The following MARCHF5 variants were observed in gnomAD, a reference collection of about 807,000 sequenced individuals.
The protein encoded by MARCHF5 is membrane associated ring-CH-type finger 5, also known as E3 ubiquitin-protein ligase MARCHF5.
In MARCHF5, 5 loss-of-function variants were observed where a neutral mutation model predicts 36.5. The observed-to-expected ratio is 0.14, with a 90% CI of 0.07 to 0.29. MARCHF5 has a LOEUF of 0.29. MARCHF5 is among the 10% of genes least tolerant of loss of function. The pLI is 1.00. For missense variants in MARCHF5, 179 were observed against 336.3 expected (o/e 0.53, Z 3.66); for synonymous variants, 103 against 109.9 (o/e 0.94, Z 0.39).
intron 2 of MARCHF5, among the ~76,000 whole-genome samples, chr10:92,336,277 T>C (rs1843501014): frequency 6.6e-6 from 1 of 152,212 alleles, no homozygotes; most frequent in Admixed American, 6.5e-5. Flanking sequence ...CCTCAGGTGA[T>C]CCGCCCACCT....
intron 1 of MARCHF5, among the ~76,000 whole-genome samples, chr10:92,296,120 C>G (rs767464058): frequency 3.9e-5 from 6 of 152,106 alleles, no homozygotes; most frequent in Admixed American, 1.3e-4. Flanking sequence ...GGTGATCCAC[C>G]TACCTCTGCT....
intron 2 of MARCHF5, among the ~76,000 whole-genome samples, chr10:92,315,383 A>G (rs377367844): frequency 6.6e-6 from 1 of 152,204 alleles, no homozygotes; most frequent in African/African-American, 2.4e-5. Context: ...GTCTGAGCAC[A>G]TTTGTCATTA....
At chr10:92,302,358 G>A (rs1163609075) in intron 1 of MARCHF5, among the ~76,000 whole-genome samples, 1 of 152,080 alleles carries the variant, frequency 6.6e-6, no homozygotes, top group Admixed American at 6.5e-5. Context: ...CTCCCTAATA[G>A]TGTGCTTTCT....
chr10:92,299,585 A>G (rs1438818817), intron 1 of MARCHF5, among the ~76,000 whole-genome samples: 2 of 152,186 alleles, frequency 1.3e-5, no homozygotes, highest in South Asian at 2.1e-4. Flanking sequence ...CTGTGTTTCA[A>G]TAGAACCTTG....
intron 2 of MARCHF5, among the ~76,000 whole-genome samples, chr10:92,334,149 C>T (rs1843474417): frequency 6.6e-6 from 1 of 152,194 alleles, no homozygotes; most frequent in African/African-American, 2.4e-5. Context: ...GACATTGCGC[C>T]AGTGCACTCC....
chr10:92,301,226 A>G (rs1843008009), intron 1 of MARCHF5, among the ~76,000 whole-genome samples: 1 of 152,138 alleles, frequency 6.6e-6, no homozygotes, highest in South Asian at 2.1e-4. Context: ...CACATAGATG[A>G]CAATATTTAT....
At chr10:92,337,778 A>G (rs1000314207) in intron 2 of MARCHF5, among the ~76,000 whole-genome samples, 1 of 152,062 alleles carries the variant, frequency 6.6e-6, no homozygotes, top group Non-Finnish European at 1.5e-5. Flanking sequence ...CATCTAGTGC[A>G]TAAGTGAGGG....
chr10:92,310,656 T>C (rs920572501), intron 1 of MARCHF5, among the ~76,000 whole-genome samples: 1 of 152,292 alleles, frequency 6.6e-6, no homozygotes, highest in East Asian at 1.9e-4. Flanking sequence ...ATGGGTTTTT[T>C]TTTCCTCAGC....
At chr10:92,318,359 G>A (rs1476295822) in intron 2 of MARCHF5, among the ~76,000 whole-genome samples, 2 of 151,652 alleles carry the variant, frequency 1.3e-5, no homozygotes, top group Non-Finnish European at 2.9e-5. Context: ...CCGAGAGGCG[G>A]AGGTTTCAGT....
At chr10:92,296,322 G>C (rs1487398150) in intron 1 of MARCHF5, among the ~76,000 whole-genome samples, 1 of 152,174 alleles carries the variant, frequency 6.6e-6, no homozygotes, top group African/African-American at 2.4e-5. Context: ...GAATGTTTCA[G>C]TGTCACAAAT....
chr10:92,325,367 G>A (rs1475602165), intron 2 of MARCHF5, among the ~76,000 whole-genome samples: 2 of 152,028 alleles, frequency 1.3e-5, no homozygotes, highest in South Asian at 4.1e-4. Context: ...AGAGAGTGGG[G>A]CATAGAAGTC....
At chr10:92,314,099 C>T (rs998855095) in intron 2 of MARCHF5, among the ~76,000 whole-genome samples, 1 of 152,134 alleles carries the variant, frequency 6.6e-6, no homozygotes, top group Non-Finnish European at 1.5e-5. Context: ...TAAGTCCTAG[C>T]TACTCGGGAG....
chr10:92,301,144 C>T (rs2135178104), intron 1 of MARCHF5, among the ~76,000 whole-genome samples: 1 of 152,238 alleles, frequency 6.6e-6, no homozygotes, highest in African/African-American at 2.4e-5. Context: ...CACTCAGCCT[C>T]CCAAAGTGCT....
At position 92,351,295 on chromosome 10, in the gene MARCHF5, T is replaced by C. The variant is rs974507816; in HGVS notation, c.*88T>C. Reference sequence around the variant, plus strand: ...CCATCATTAATGCACTTGTGGAGACTTGTGATAAGCTGCTGCTCCTATATT... The same window carrying C: ...CCATCATTAATGCACTTGTGGAGACCTGTGATAAGCTGCTGCTCCTATATT... On this transcript the variant is annotated 3_prime_UTR_variant, in exon 6 of 6. Coordinates refer to ENST00000358935, the MANE Select transcript of MARCHF5 (RefSeq NM_017824.5). 2.5e-6 allele frequency: 2 copies of C among 789,910 alleles called. No homozygotes were observed. The highest frequency in any genetic ancestry group is 4.2e-6 in the Non-Finnish European group (2 of 471,110). 48.9% of individuals were successfully genotyped at this position (789,910 alleles called of 1,614,324 possible).
At position 92,352,115 on chromosome 10, in the gene MARCHF5, T is replaced by C. The variant is rs956742267; in HGVS notation, c.*908T>C. The C allele has an allele frequency of 6.6e-6, 1 of 152,616 alleles. No homozygotes were observed. The highest frequency in any genetic ancestry group is 1.5e-5 in the Non-Finnish European group (1 of 68,046). 9.5% of individuals were successfully genotyped at this position (152,616 alleles called of 1,614,324 possible). ...ATTGATTCAGTTATTGAGATATTCG[T>C]TGATCACCTCCTATTTCCCAGGCAC... On this transcript the variant is annotated 3_prime_UTR_variant, in exon 6 of 6. Coordinates refer to ENST00000358935, the MANE Select transcript of MARCHF5 (RefSeq NM_017824.5).
At position 92,316,729 on chromosome 10, in the gene MARCHF5, A is replaced by T. The variant is rs1469574199; in HGVS notation, c.238+5392A>T. Among the ~76,000 whole-genome samples the T allele has an allele frequency of 6.0e-5, 9 of 149,840 alleles. No homozygotes were observed. In the South Asian group the frequency reaches 1.7e-3, roughly 28 times the overall value. On this transcript the variant is annotated intron_variant, in intron 2 of 5. Coordinates refer to ENST00000358935, the MANE Select transcript of MARCHF5 (RefSeq NM_017824.5). ...AGGCACGTGCCACCACACCCAGCTA[A>T]TTTTTTTTTTCTTTTTAGAGAGGGG...
intron 1 of MARCHF5, among the ~76,000 whole-genome samples, chr10:92,310,458 G>C (rs113087212): frequency 6.6e-6 from 1 of 151,832 alleles, no homozygotes; most frequent in Admixed American, 6.6e-5. Context: ...GATCTCAATA[G>C]AATTTTATTT....
At chr10:92,339,954 G>A (rs544974071) in intron 2 of MARCHF5, among the ~76,000 whole-genome samples, 1 of 152,232 alleles carries the variant, frequency 6.6e-6, no homozygotes, top group South Asian at 2.1e-4. Context: ...AAATTTGTTA[G>A]AGAATAATAT....
chr10:92,315,980 A>G (rs1456742727), intron 2 of MARCHF5, among the ~76,000 whole-genome samples: 1 of 152,238 alleles, frequency 6.6e-6, no homozygotes, highest in African/African-American at 2.4e-5. Context: ...TTTGTGATCA[A>G]AACTTTTATC....
Sources: allele counts gnomAD v4.1 joint callset (sites outside exome capture counted in the v4.1 genomes callset), GRCh38; gene constraint gnomAD v4.1.1; transcripts MANE v1.5; gene names NCBI Gene and HGNC (gene_info 2026-07-23, HGNC 2026-07-21).